The following ITGA9 variants were observed in gnomAD, a reference collection of about 807,000 sequenced individuals.
ITGA9 encodes integrin subunit alpha 9, also known as integrin alpha-9.
Under a neutral mutation model 127.8 loss-of-function variants are expected in ITGA9, and 56 were observed. That is an observed-to-expected ratio of 0.44 (90% CI 0.35 to 0.55). The LOEUF is 0.55. ITGA9 is among the 20% of genes least tolerant of loss of function. ITGA9 has a pLI of 0.00. For missense variants in ITGA9, 1,196 were observed against 1,347.1 expected (o/e 0.89, Z 1.76); for synonymous variants, 508 against 514.5 (o/e 0.99, Z 0.17).
chr3:37,686,766 G>A (rs1013047513), intron 18 of ITGA9, among the ~76,000 whole-genome samples: 3 of 152,164 alleles, frequency 2.0e-5, no homozygotes, highest in Admixed American at 6.5e-5. Context: ...AGCCAGAAAC[G>A]CAGATGGGCA....
rs1697480188 is a variant in ITGA9 at position 37,819,116 on chromosome 3, A to G, written c.*127A>G. ...CCCCACTGATGCTGTTCTCTTCTTC[A>G]TTCTATCAAGCCCAGGTGCCAGCCT... On this transcript the variant is annotated 3_prime_UTR_variant, in exon 28 of 28. Coordinates refer to ENST00000264741, the MANE Select transcript of ITGA9 (RefSeq NM_002207.3). The G allele has an allele frequency of 6.4e-6, 5 of 780,808 alleles. No individual in the cohort carries two copies. Among genetic ancestry groups the G allele is most frequent in the South Asian group, 5.9e-5 (4 of 67,704 alleles). The allele number at this position is 780,808 out of a possible 1,614,324, so 48.4% of individuals were successfully genotyped here. A position where few individuals can be genotyped will look rare whatever the true frequency, so the allele number is the denominator to read the frequency against.
rs190406515 is a variant in ITGA9, at chr3:37,514,259, A to G, written c.1035+359A>G. On this transcript the variant is annotated intron_variant, in intron 9 of 27. Transcript: ENST00000264741. ...AACTGAGGCCCAGAGAGGTTAGGTA[A>G]TGTGTCCCAAACCACACAGCTAAGA... Among the ~76,000 whole-genome samples, 142 of 152,290 alleles carry G rather than the reference A, an allele frequency of 9.3e-4. 1 individual carries two copies. Among genetic ancestry groups the G allele is most frequent in the East Asian group, 6.0e-3 (31 of 5,174 alleles).
At chr3:37,777,862 TATGACACA>T (rs1288238881) in intron 24 of ITGA9, among the ~76,000 whole-genome samples, 16 of 152,356 alleles carry the variant, frequency 1.1e-4, no homozygotes, top group African/African-American at 3.8e-4. Context: ...GTGTGTATCC[TATGACACA>T]GCCATTCTAC....
chr3:37,486,463 G>C (rs1559518153), intron 4 of ITGA9, among the ~76,000 whole-genome samples: 2 of 152,156 alleles, frequency 1.3e-5, no homozygotes, highest in African/African-American at 2.4e-5. Context: ...GGTATGTGAG[G>C]TATAAAGTGC....
intron 15 of ITGA9, among the ~76,000 whole-genome samples, chr3:37,565,511 C>T (rs1699537320): frequency 6.6e-6 from 1 of 152,196 alleles, no homozygotes; most frequent in Non-Finnish European, 1.5e-5. Context: ...GTGGTTCTTA[C>T]ACTAGGGTGG....
At chr3:37,752,755 C>T (rs890319421) in intron 23 of ITGA9, among the ~76,000 whole-genome samples, 2 of 152,236 alleles carry the variant, frequency 1.3e-5, no homozygotes, top group Admixed American at 6.5e-5. Flanking sequence ...GCAGGACCAA[C>T]CTGCCTCTAG....
intron 23 of ITGA9, among the ~76,000 whole-genome samples, chr3:37,760,348 AT>A (rs1471966794): frequency 6.6e-6 from 1 of 152,210 alleles, no homozygotes; most frequent in Non-Finnish European, 1.5e-5. Flanking sequence ...CTGACACAGA[AT>A]CAGTGAACTT....
intron 15 of ITGA9, among the ~76,000 whole-genome samples, chr3:37,610,029 G>A (rs1700002049): frequency 6.6e-6 from 1 of 152,218 alleles, no homozygotes; most frequent in African/African-American, 2.4e-5. Context: ...GGTGACAGAG[G>A]CACATGGAGA....
intron 23 of ITGA9, among the ~76,000 whole-genome samples, chr3:37,773,920 T>C (rs1221173650): frequency 1.3e-5 from 2 of 152,252 alleles, no homozygotes; most frequent in African/African-American, 4.8e-5. Flanking sequence ...TAATCTATAA[T>C]ACTCTTCATT....
chr3:37,586,467 C>T (rs1699759972), intron 15 of ITGA9, among the ~76,000 whole-genome samples: 1 of 152,194 alleles, frequency 6.6e-6, no homozygotes, highest in African/African-American at 2.4e-5. Context: ...TAAAAAAGGA[C>T]ATGCTGGCCT....
intron 15 of ITGA9, among the ~76,000 whole-genome samples, chr3:37,591,695 A>G (rs1026529579): frequency 1.3e-5 from 2 of 152,104 alleles, no homozygotes; most frequent in African/African-American, 4.8e-5. Flanking sequence ...CCTGAGCCTC[A>G]CTGCTTGAGC....
chr3:37,673,558 C>G (rs193240558), intron 17 of ITGA9, among the ~76,000 whole-genome samples: 1 of 152,326 alleles, frequency 6.6e-6, no homozygotes, highest in East Asian at 1.9e-4. Context: ...CAGTCACAAT[C>G]ACAACACCTC....
intron 18 of ITGA9, among the ~76,000 whole-genome samples, chr3:37,695,893 A>G (rs1051597591): frequency 5.0e-4 from 76 of 152,360 alleles, no homozygotes; most frequent in African/African-American, 1.8e-3. Flanking sequence ...TGTGGTACCC[A>G]CAGGAACCCC....
chr3:37,621,896 C>T (rs1700132360), intron 15 of ITGA9, among the ~76,000 whole-genome samples: 1 of 152,160 alleles, frequency 6.6e-6, no homozygotes, highest in Non-Finnish European at 1.5e-5. Context: ...TTTCTTACCA[C>T]TTATTTCCTG....
intron 15 of ITGA9, among the ~76,000 whole-genome samples, chr3:37,601,056 A>G (rs1359912958): frequency 6.6e-6 from 1 of 152,164 alleles, no homozygotes. Context: ...GGCTTTCCCC[A>G]TGGACCATGG....
At chr3:37,762,909 C>A (rs1696739247) in intron 23 of ITGA9, among the ~76,000 whole-genome samples, 1 of 152,160 alleles carries the variant, frequency 6.6e-6, no homozygotes, top group South Asian at 2.1e-4. Context: ...CCAGGGATTC[C>A]TTTGTCTGTT....
rs1042957177 is a variant in ITGA9, at chr3:37,689,505, C to T, written c.2067+5490C>T. ...AGGCCCAGTGCACCGTGTTGCCTGC[C>T]GGGCAAGGAACCAGCAAAGCCTCAC... On this transcript the variant is annotated intron_variant, in intron 18 of 27. Transcript: ENST00000264741. Among the ~76,000 whole-genome samples the T allele has an allele frequency of 7.9e-5, 12 of 152,308 alleles. No individual in the cohort carries two copies. In the East Asian group the frequency reaches 1.2e-3, roughly 15 times the overall value.
chr3:37,817,177 T>C (rs1259154597), intron 27 of ITGA9, among the ~76,000 whole-genome samples: 1 of 152,256 alleles, frequency 6.6e-6, no homozygotes, highest in African/African-American at 2.4e-5. Flanking sequence ...AAACATTTGA[T>C]GTGCCCATGA....
At chr3:37,719,371 TACA>T (rs1389309609) in intron 18 of ITGA9, among the ~76,000 whole-genome samples, 1 of 152,118 alleles carries the variant, frequency 6.6e-6, no homozygotes, top group Admixed American at 6.5e-5. Flanking sequence ...TCTGTGGAGA[TACA>T]CTCTGAAGGT....
Sources: gnomAD v4.1 joint callset for allele counts (sites outside exome capture counted in the v4.1 genomes callset) on GRCh38, gnomAD v4.1.1 for gene constraint, MANE v1.5 for transcripts, NCBI Gene and HGNC (gene_info 2026-07-23, HGNC 2026-07-21) for gene names.